The following NRXN1 variants were observed in gnomAD, a reference collection of about 807,000 sequenced individuals.
NRXN1 encodes neurexin 1.
Under a neutral mutation model 150.9 loss-of-function variants are expected in NRXN1, and 39 were observed. That is an observed-to-expected ratio of 0.26 (90% CI 0.20 to 0.34). The LOEUF is 0.34. Ranked by LOEUF, NRXN1 falls within the 10% of genes least tolerant of loss-of-function variation. The pLI is 1.00. For synonymous variants in NRXN1, 924 were observed against 757.0 expected (o/e 1.22, Z -3.62); for missense variants, 1,815 against 1,949.9 (o/e 0.93, Z 1.30).
intron 17 of NRXN1, among the ~76,000 whole-genome samples, chr2:50,334,994 T>A (rs909628863): frequency 4.6e-5 from 7 of 152,202 alleles, no homozygotes; most frequent in Admixed American, 1.3e-4. Context: ...GGAGAGAAAG[T>A]GGTGGGACAC....
intron 15 of NRXN1, among the ~76,000 whole-genome samples, chr2:50,487,319 C>G (rs1438831552): frequency 6.6e-6 from 1 of 152,126 alleles, no homozygotes; most frequent in Non-Finnish European, 1.5e-5. Flanking sequence ...CTATATGCTT[C>G]TTGTATTGTC....
intron 15 of NRXN1, among the ~76,000 whole-genome samples, chr2:50,492,874 A>G (rs1344189279): frequency 6.6e-6 from 1 of 152,240 alleles, no homozygotes; most frequent in African/African-American, 2.4e-5. Flanking sequence ...GCATTATTTC[A>G]GGACTCTGAA....
At chr2:50,318,338 T>A (rs1264293073) in intron 17 of NRXN1, among the ~76,000 whole-genome samples, 2 of 152,060 alleles carry the variant, frequency 1.3e-5, no homozygotes, top group Non-Finnish European at 2.9e-5. Flanking sequence ...GAAGTCATCA[T>A]CCCCCAGTGG....
rs1277608632 is a variant in NRXN1 at position 50,611,797 on chromosome 2, G to A, written c.1320+8225C>T. 3.9e-5 allele frequency among the ~76,000 whole-genome samples: 6 copies of A among 152,230 alleles called. No individual in the cohort carries two copies. In the East Asian group the frequency reaches 1.2e-3, roughly 29 times the overall value. On this transcript the variant is annotated intron_variant, in intron 8 of 22. Transcript: ENST00000401669. Reference sequence around the variant, plus strand: ...TGCAGGCTGCCAGAGTAGGGAAGAGGTTCACAGAGGTAACAGCTCCAGACC... The same window carrying A: ...TGCAGGCTGCCAGAGTAGGGAAGAGATTCACAGAGGTAACAGCTCCAGACC...
At chr2:50,577,709 AAC>A (rs145366518) in intron 8 of NRXN1, among the ~76,000 whole-genome samples, 34,226 of 146,798 alleles carry the variant, frequency 0.23, 3,954 homozygotes, top group East Asian at 0.34. Context: ...ACCTGACTGA[AAC>A]ACACACACAC....
Position 50,581,854 on chromosome 2 carries a change from A to C in NRXN1, c.1321-28829T>G, listed in dbSNP as rs117751874. On this transcript the variant is annotated intron_variant, in intron 8 of 22. Transcript: ENST00000401669. ...CAAGAGCATACAGTTACTTAGAGGC[A>C]GATCCAAGACTATATGCCATGTATA... is the stretch of plus-strand genomic sequence containing the variant. Among the ~76,000 whole-genome samples the C allele has an allele frequency of 1.8e-3, 268 of 152,316 alleles. 3 individuals are homozygous for C. Among genetic ancestry groups the C allele is most frequent in the East Asian group, 0.016 (85 of 5,168 alleles).
At chr2:50,230,630 T>C (rs115651774) in intron 18 of NRXN1, among the ~76,000 whole-genome samples, 2,765 of 151,972 alleles carry the variant, frequency 0.018, 88 homozygotes, top group African/African-American at 0.063. Context: ...GAAATAGCTG[T>C]TTTGTTCTCA....
intron 21 of NRXN1, among the ~76,000 whole-genome samples, chr2:49,947,106 G>T (rs1006460266): frequency 3.3e-5 from 5 of 152,094 alleles, no homozygotes; most frequent in African/African-American, 1.2e-4. Flanking sequence ...CTCCAGAGGA[G>T]ATAATCAGCT....
At chr2:50,121,788 C>A (rs181388603) in intron 18 of NRXN1, among the ~76,000 whole-genome samples, 3 of 152,200 alleles carry the variant, frequency 2.0e-5, no homozygotes, top group East Asian at 3.9e-4. Context: ...TAAGGATTAG[C>A]GAGATTGAAT....
intron 5 of NRXN1, among the ~76,000 whole-genome samples, chr2:50,877,125 T>C (rs1678714650): frequency 6.6e-6 from 1 of 151,652 alleles, no homozygotes; most frequent in Non-Finnish European, 1.5e-5. Flanking sequence ...AGTTCAATGT[T>C]AATGATGTGC....
chr2:49,977,589 C>T (rs1026716594), intron 21 of NRXN1, among the ~76,000 whole-genome samples: 1 of 152,076 alleles, frequency 6.6e-6, no homozygotes, highest in Non-Finnish European at 1.5e-5. Flanking sequence ...AAGGACCAAG[C>T]CCTGGGTTTC....
chr2:50,093,890 C>T (rs1186623209), intron 18 of NRXN1, among the ~76,000 whole-genome samples: 1 of 152,122 alleles, frequency 6.6e-6, no homozygotes, highest in Non-Finnish European at 1.5e-5. Context: ...AGTTAGGCTC[C>T]AGAGTCTGGT....
At chr2:50,505,870 G>A (rs538371894) in intron 13 of NRXN1, among the ~76,000 whole-genome samples, 1 of 152,216 alleles carries the variant, frequency 6.6e-6, no homozygotes, top group South Asian at 2.1e-4. Context: ...GCTTGGAGTT[G>A]TTTTCAAAGT....
chr2:51,007,140 G>A (rs998581479), intron 2 of NRXN1, among the ~76,000 whole-genome samples: 5 of 151,812 alleles, frequency 3.3e-5, no homozygotes, highest in Non-Finnish European at 5.9e-5. Context: ...ATAACTCTTC[G>A]TCTCTTTTTA....
rs114407366 is a variant in NRXN1, at chr2:50,358,774, G to T, written c.3364+106668C>A. Among the ~76,000 whole-genome samples the T allele has an allele frequency of 6.0e-3, 915 of 152,316 alleles. 11 individuals are homozygous for T. The highest frequency in any genetic ancestry group is 0.021 in the African/African-American group (878 of 41,572). On this transcript the variant is annotated intron_variant, in intron 17 of 22. Transcript: ENST00000401669. ...TCTCAAGTGGGTCCCTGATCCCCAT[G>T]TCTCCTGATGGGGAGACACCTCCCA...
chr2:50,798,890 A>ACATAGGCACTTGAT (rs1388300731), intron 5 of NRXN1, among the ~76,000 whole-genome samples: 64 of 152,352 alleles, frequency 4.2e-4, no homozygotes, highest in African/African-American at 1.4e-3. Context: ...AGCATTTTCT[A>ACATAGGCACTTGAT]CATAGGCACT....
intron 18 of NRXN1, among the ~76,000 whole-genome samples, chr2:50,232,600 T>C (rs1352581510): frequency 1.3e-5 from 2 of 151,942 alleles, no homozygotes; most frequent in Admixed American, 6.6e-5. Context: ...TTGGCTAGCA[T>C]AGTCTCCATC....
At chr2:50,181,242 T>G (rs1574357175) in intron 18 of NRXN1, among the ~76,000 whole-genome samples, 1 of 151,520 alleles carries the variant, frequency 6.6e-6, no homozygotes, top group Non-Finnish European at 1.5e-5. Flanking sequence ...ATGGTGAGTT[T>G]AAAAAAAACC....
intron 5 of NRXN1, among the ~76,000 whole-genome samples, chr2:50,741,017 C>T (rs1359308923): frequency 6.6e-6 from 1 of 152,048 alleles, no homozygotes; most frequent in East Asian, 1.9e-4. Flanking sequence ...AAAATTACTC[C>T]TTCTGTCTGT....
Sources: gnomAD v4.1 joint callset for allele counts (sites outside exome capture counted in the v4.1 genomes callset) on GRCh38, gnomAD v4.1.1 for gene constraint, MANE v1.5 for transcripts, NCBI Gene and HGNC (gene_info 2026-07-23, HGNC 2026-07-21) for gene names.